DYNC2I1: variants seen among roughly 807,000 people sequenced by gnomAD.
DYNC2I1 encodes the protein dynein 2 intermediate chain 1.
DYNC2I1 carries 89 observed loss-of-function variants against 133.4 expected under a neutral mutation model. The ratio of observed to expected loss-of-function variants is 0.67; its 90% confidence interval spans 0.56 to 0.80. DYNC2I1 has a LOEUF of 0.80. Among genes scored for constraint, DYNC2I1 ranks in the 30% least tolerant of loss-of-function variants. The pLI, the probability that DYNC2I1 is intolerant of heterozygous loss-of-function variation, is 0.00. For missense variants in DYNC2I1, 1,291 were observed against 1,314.5 expected, an observed-to-expected ratio of 0.98 and a Z score of 0.28; for synonymous variants, 504 against 484.3, an observed-to-expected ratio of 1.04 and a Z score of -0.54.
At chr7:158,923,910 G>A (rs1198176555) in intron 17 of DYNC2I1, among the ~76,000 whole-genome samples, 177 bp downstream of exon 17, 2 of 152,204 alleles carry the variant, frequency 1.3e-5, no homozygotes, top group African/African-American at 4.8e-5. Flanking sequence ...TTCCAATCAT[G>A]ATTATCCAGT....
At position 158,902,459 on chromosome 7, in the gene DYNC2I1, A is replaced by C. The variant is rs1846346410; in HGVS notation, c.1221A>C (p.Glu407Asp). ...CTGAGTCAAGAGAAAAACTGGAAGA[A>C]CTTCCTCTAGCTCAAAAAAAGGAAA... The part of the protein sequence containing the change: ...NEPESREKLE[E>D]LPLAQKKEIQ... The change falls in exon 10 of 25, where the codon GAA becomes GAC. Residue 407 changes from glutamate to aspartate, a missense_variant. By Grantham distance (45) the Glu-to-Asp change is conservative. Coordinates refer to ENST00000407559, the MANE Select transcript of DYNC2I1 (RefSeq NM_018051.5). 18 of 1,613,978 alleles carry C rather than the reference A, an allele frequency of 1.1e-5. No homozygotes were observed. Among genetic ancestry groups the C allele is most frequent in the Non-Finnish European group, 1.5e-5 (18 of 1,179,882 alleles).
At chr7:158,861,327 A>G (rs1841850423) in intron 1 of DYNC2I1, among the ~76,000 whole-genome samples, 1 of 152,212 alleles carries the variant, frequency 6.6e-6, no homozygotes, top group Non-Finnish European at 1.5e-5. Context: ...GCTAGCAGAC[A>G]CAGCGAGCTT....
intron 19 of DYNC2I1, among the ~76,000 whole-genome samples, 162 bp downstream of exon 19, chr7:158,926,625 A>T (rs544264760): frequency 1.3e-5 from 2 of 152,230 alleles, no homozygotes; most frequent in Non-Finnish European, 2.9e-5. Flanking sequence ...GCAGAAGGCC[A>T]CACATGGCAG....
In DYNC2I1 at chr7:158,914,222, G is replaced by A; in HGVS notation, c.1703-11G>A. ...CGACTTCGTTGATTTTATATAAACTGTTTTTTTTAGGCAGTGAACAAAGAG... is the reference window on the plus strand; with the variant it reads ...CGACTTCGTTGATTTTATATAAACTATTTTTTTTAGGCAGTGAACAAAGAG... On this transcript the variant is annotated splice_polypyrimidine_tract_variant and intron_variant, in intron 13 of 24. Coordinates refer to ENST00000407559, the MANE Select transcript of DYNC2I1 (RefSeq NM_018051.5). The A allele has an allele frequency of 6.3e-7, 1 of 1,598,880 alleles. No individual in the cohort carries two copies. Among genetic ancestry groups the A allele is most frequent in the Non-Finnish European group, 8.5e-7 (1 of 1,171,100 alleles).
intron 14 of DYNC2I1, among the ~76,000 whole-genome samples, chr7:158,916,709 T>G (rs1563165695): frequency 1.5e-5 from 1 of 66,656 alleles, no homozygotes; most frequent in African/African-American, 5.4e-5. Flanking sequence ...GTGAAACGTC[T>G]GCACGCTGGT....
At chr7:158,924,716 C>CTA (rs753669050) in intron 17 of DYNC2I1, among the ~76,000 whole-genome samples, 6 of 152,124 alleles carry the variant, frequency 3.9e-5, no homozygotes, top group Non-Finnish European at 7.3e-5. Context: ...CAGTAAATCT[C>CTA]TAGACTGTAC....
upstream of DYNC2I1, among the ~76,000 whole-genome samples, chr7:158,851,937 T>G (rs1841069216): frequency 6.6e-6 from 1 of 152,188 alleles, no homozygotes; most frequent in Admixed American, 6.5e-5. Flanking sequence ...ATTAATGTTA[T>G]TTATCTCTTC....
At chr7:158,888,217 G>A (rs986947656) in intron 7 of DYNC2I1, among the ~76,000 whole-genome samples, 2 of 151,570 alleles carry the variant, frequency 1.3e-5, no homozygotes, top group Non-Finnish European at 2.9e-5. Context: ...TAGAGATGGG[G>A]TTTCACCATA....
chr7:158,908,792 C>A (rs1847095421), intron 11 of DYNC2I1, among the ~76,000 whole-genome samples: 1 of 152,118 alleles, frequency 6.6e-6, no homozygotes, highest in South Asian at 2.1e-4. Context: ...GCTGGGGCCA[C>A]AGGAAATACC....
upstream of DYNC2I1, among the ~76,000 whole-genome samples, chr7:158,852,212 C>T (rs1841074428): frequency 6.6e-6 from 1 of 151,860 alleles, no homozygotes; most frequent in Non-Finnish European, 1.5e-5. Context: ...ACCTCTGCCT[C>T]CTGGTTTCAA....
chr7:158,946,534 A>G (rs958757273), downstream of DYNC2I1, among the ~76,000 whole-genome samples: 10 of 152,270 alleles, frequency 6.6e-5, no homozygotes, highest in African/African-American at 2.4e-4. Context: ...GCCCTCGCAC[A>G]GTAGCGGAGG....
At chr7:158,849,251 A>C in the DYNC2I1 span, among the ~76,000 whole-genome samples, 1 of 152,226 alleles carries the variant, frequency 6.6e-6, no homozygotes, top group African/African-American at 2.4e-5. Flanking sequence ...GAGATGTTTA[A>C]ATAAGTTTTA....
intron 15 of DYNC2I1, among the ~76,000 whole-genome samples, chr7:158,921,761 C>T (rs1234573216): frequency 1.3e-5 from 2 of 152,156 alleles, no homozygotes; most frequent in Non-Finnish European, 2.9e-5. Context: ...CGCCTGCCAG[C>T]GGTGCGGTCC....
At position 158,901,839 on chromosome 7, in the gene DYNC2I1, T is replaced by C. The variant is rs842703; in HGVS notation, c.1137+23T>C. 256,531 of 1,486,918 alleles carry C rather than the reference T, an allele frequency of 0.17. 23,296 individuals carry two copies. The highest frequency in any genetic ancestry group is 0.24 in the Middle Eastern group (1,356 of 5,698). 92.1% of individuals were successfully genotyped at this position (1,486,918 alleles called of 1,614,324 possible). On this transcript the variant is annotated intron_variant, in intron 9 of 24. Transcript: ENST00000407559. Reference sequence around the variant, plus strand: ...GAAGTATGTATAAAAGTTAAAACTTTCCTTAGCTTAAAAATCATTTATTCT... The same window carrying C: ...GAAGTATGTATAAAAGTTAAAACTTCCCTTAGCTTAAAAATCATTTATTCT...
intron 1 of DYNC2I1, among the ~76,000 whole-genome samples, chr7:158,864,872 A>C (rs1383946584): frequency 6.6e-6 from 1 of 152,210 alleles, no homozygotes; most frequent in Non-Finnish European, 1.5e-5. Context: ...TTTAACTTTA[A>C]CCTCTGATGA....
intron 8 of DYNC2I1, among the ~76,000 whole-genome samples, chr7:158,894,943 G>T (rs1845625929): frequency 6.6e-6 from 1 of 152,086 alleles, no homozygotes; most frequent in Admixed American, 6.6e-5. Context: ...CTTTTTGTAT[G>T]TTTGTTTGCC....
chr7:158,869,021 C>T (rs995713483), intron 1 of DYNC2I1, among the ~76,000 whole-genome samples: 2 of 152,220 alleles, frequency 1.3e-5, no homozygotes, highest in African/African-American at 4.8e-5. Flanking sequence ...CTCACATACT[C>T]TGTGGATCAG....
At chr7:158,919,918 G>A (rs1848847242) in intron 15 of DYNC2I1, among the ~76,000 whole-genome samples, 1 of 152,282 alleles carries the variant, frequency 6.6e-6, no homozygotes, top group Non-Finnish European at 1.5e-5. Flanking sequence ...GACAGCAGAT[G>A]CATGAGAGCG....
intron 4 of DYNC2I1, among the ~76,000 whole-genome samples, chr7:158,951,555 C>T (rs940605755): frequency 6.6e-6 from 1 of 152,214 alleles, no homozygotes; most frequent in Non-Finnish European, 1.5e-5. Context: ...GGTGCTGGAG[C>T]CCCAGGGCAT....
Sources: allele counts gnomAD v4.1 joint callset (sites outside exome capture counted in the v4.1 genomes callset), GRCh38; gene constraint gnomAD v4.1.1; transcripts MANE v1.5; gene names NCBI Gene and HGNC (gene_info 2026-07-23, HGNC 2026-07-21).